CPSF1: variants seen among roughly 807,000 people sequenced by gnomAD.
CPSF1 encodes cleavage and polyadenylation specificity factor subunit 1.
In CPSF1, 106 loss-of-function variants were observed where a neutral mutation model predicts 175.8. The observed-to-expected ratio is 0.60, with a 90% CI of 0.52 to 0.71. The LOEUF is 0.71. CPSF1 is among the 30% of genes least tolerant of loss of function. The pLI is 0.00. For missense variants in CPSF1, 1,734 were observed against 2,022.9 expected (o/e 0.86, Z 2.74); for synonymous variants, 1,024 against 858.3 (o/e 1.19, Z -3.37).
At chr8:144,401,124 G>A (rs2116881589) in intron 5 of CPSF1, 49 bp from the exon 6 acceptor site, 1 of 1,596,236 alleles carries the variant, frequency 6.3e-7, no homozygotes, top group South Asian at 1.1e-5. Flanking sequence ...AGACCCCGAG[G>A]GAAACACTTG....
At chr8:144,404,511 G>A (rs1821386545) in intron 2 of CPSF1, among the ~76,000 whole-genome samples, 1 of 150,442 alleles carries the variant, frequency 6.6e-6, no homozygotes, top group Non-Finnish European at 1.5e-5. Flanking sequence ...GACTACAAGC[G>A]CCCACCACCA....
At chr8:144,396,320 GTGC>G in intron 26 of CPSF1, 25 bp downstream of exon 26, 1 of 1,567,556 alleles carries the variant, frequency 6.4e-7, no homozygotes, top group Non-Finnish European at 8.6e-7. Context: ...GCATCAGCCA[GTGC>G]TGCTGGGAAC....
chr8:144,393,286 T>C lies in CPSF1; in HGVS notation c.*32A>G. On this transcript the variant is annotated 3_prime_UTR_variant, in exon 38 of 38. Transcript: ENST00000616140. ...GTACAAAAAGGGGGTGGGAGGTAGTTCCGTGTGCTGGTGGTGACGGCATCC... is the reference window on the plus strand; with the variant it reads ...GTACAAAAAGGGGGTGGGAGGTAGTCCCGTGTGCTGGTGGTGACGGCATCC... The C allele has an allele frequency of 6.8e-7, 1 of 1,477,606 alleles. No individual in the cohort carries two copies. The highest frequency in any genetic ancestry group is 9.0e-7 in the Non-Finnish European group (1 of 1,107,156). 91.5% of individuals were successfully genotyped at this position (1,477,606 alleles called of 1,614,324 possible).
intron 9 of CPSF1, 31 bp downstream of exon 9, chr8:144,400,135 G>GGGGGCCCCCCCCCCCCCCC: frequency 6.3e-5 from 56 of 895,916 alleles, no homozygotes; most frequent in Non-Finnish European, 8.2e-5. Context: ...CCGTCCCCGG[G>GGGGGCCCCCCCCCCCCCCC]CCCCCCCCGC....
At chr8:144,396,964 AGGGCCATGGAGAACATGGGAT>A (rs782321955) in intron 23 of CPSF1, 35 bp from the exon 24 acceptor site, 72 of 1,501,686 alleles carry the variant, frequency 4.8e-5, no homozygotes, top group Non-Finnish European at 5.5e-5. Context: ...GGGAACGGGC[AGGGCCATGGAGAACATGGGAT>A]GGGCCATGGG....
intron 26 of CPSF1, 166 bp downstream of exon 26, chr8:144,396,182 C>G (rs543402126): frequency 1.4e-6 from 1 of 735,072 alleles, no homozygotes; most frequent in Non-Finnish European, 2.2e-6. Context: ...ACCTTTGGAG[C>G]AACCAAGTCA....
intron 7 of CPSF1, 66 bp from the exon 8 acceptor site, chr8:144,400,559 C>A: frequency 6.2e-7 from 1 of 1,607,456 alleles, no homozygotes; most frequent in Non-Finnish European, 8.5e-7. Flanking sequence ...CAGCTCCTCC[C>A]GAGCAAGCCC....
intron 34 of CPSF1, 36 bp downstream of exon 34, chr8:144,394,077 C>T: frequency 6.2e-7 from 1 of 1,611,066 alleles, no homozygotes; most frequent in Non-Finnish European, 8.5e-7. Context: ...CTAGCCCAGC[C>T]CCGGCCCAGG....
intron 26 of CPSF1, chr8:144,396,084 G>A (rs918822412): frequency 3.7e-6 from 2 of 536,528 alleles, no homozygotes; most frequent in Non-Finnish European, 3.3e-6. Flanking sequence ...TGGAGGCCAG[G>A]CCCTGCGAGG....
chr8:144,394,464 T>C lies in CPSF1; in HGVS notation c.3659A>G (p.Asn1220Ser). Residue 1220 changes from asparagine (N) to serine (S), a missense_variant, in exon 32 of 38, where the codon AAC becomes AGC. Asn to Ser is a conservative substitution (Grantham distance 46). Coordinates refer to ENST00000616140, the MANE Select transcript of CPSF1 (RefSeq NM_013291.3). ...LYIHQMISVK[N>S]FILAADVMKS... is the part of the protein sequence containing the mutation. The stretch of plus-strand genomic sequence containing the variant: ...CATGACGTCGGCTGCCAGGATGAAG[T>C]TCTTGACGCTGATCATCTGGTGTAT... 1 of 1,608,844 alleles carries C rather than the reference T, an allele frequency of 6.2e-7. No homozygotes were observed. The highest frequency in any genetic ancestry group is 1.1e-5 in the South Asian group (1 of 90,132).
Position 144,396,872 on chromosome 8 carries a change from C to A in CPSF1, c.2650G>T (p.Gly884Cys), listed in dbSNP as rs782060108. 7.4e-6 allele frequency: 12 copies of A among 1,613,916 alleles called. No individual in the cohort carries two copies. The highest frequency in any genetic ancestry group is 4.5e-5 in the East Asian group (2 of 44,870). The change falls in exon 24 of 38, where the codon GGC becomes TGC. Residue 884 changes from glycine to cysteine, a missense_variant. By Grantham distance (159) the Gly-to-Cys change is radical (BLOSUM62 -3). Coordinates refer to ENST00000616140, the MANE Select transcript of CPSF1 (RefSeq NM_013291.3). ...AAGCGGACTTTGAGATTGCCCTGGC[C>A]GAGCTGAGAGTCGTGGGGGAAGGCC... The part of the protein sequence containing the change: ...YEAFPHDSQL[G>C]QGNLKVRFKK...
intron 2 of CPSF1, among the ~76,000 whole-genome samples, chr8:144,403,669 C>A (rs1554868092): frequency 6.6e-6 from 1 of 150,932 alleles, no homozygotes; most frequent in South Asian, 2.1e-4. Context: ...TCTCCTGCCT[C>A]AGCCTCCCAA....
At position 144,398,774 on chromosome 8, in the gene CPSF1, C is replaced by A; in HGVS notation, c.1638+5G>T. 1 of 1,594,588 alleles carries A rather than the reference C, an allele frequency of 6.3e-7. No homozygotes were observed. On this transcript the variant is annotated splice_donor_5th_base_variant and intron_variant, in intron 17 of 37. Coordinates refer to ENST00000616140, the MANE Select transcript of CPSF1 (RefSeq NM_013291.3). ...AGGGCCTCCCTGCAGCAGGCTCGCA[C>A]CTACCTCCTCCTTACGCACCGGGGC...
chr8:144,398,344 T>C lies in CPSF1; in HGVS notation c.1852A>G (p.Ile618Val), dbSNP rs1820925151. Residue 618 changes from isoleucine to valine, a missense_variant, in exon 19 of 38, where the codon ATT becomes GTT. By Grantham distance (29) the Ile-to-Val change is conservative (BLOSUM62 3). This residue lies in a region of CPSF1 where 280 missense variants were observed against 349.2 expected (regional missense o/e 0.80). Transcript: ENST00000616140. ...FAGNIGDNRY[I>V]VQVSPLGIRL... ...ATGCCCAGTGGTGACACTTGGACAA[T>C]GTAGCGGTTGTCCCCGATGTTCCCA... 6.7e-7 allele frequency: 1 copy of C among 1,481,936 alleles called. No individual in the cohort carries two copies. Among genetic ancestry groups the C allele is most frequent in the Admixed American group, 1.9e-5 (1 of 53,192 alleles). The allele number at this position is 1,481,936 out of a possible 1,614,324, so 91.8% of individuals were successfully genotyped here.
Position 144,394,740 on chromosome 8 carries a change from C to G in CPSF1, c.3471G>C (p.Lys1157Asn). 1 of 1,613,630 alleles carries G rather than the reference C, an allele frequency of 6.2e-7. No individual in the cohort carries two copies. Among genetic ancestry groups the G allele is most frequent in the East Asian group, 2.2e-5 (1 of 44,878 alleles). Residue 1157 changes from lysine (K) to asparagine (N), a missense_variant, in exon 31 of 38, where the codon AAG becomes AAC. Coordinates refer to ENST00000616140, the MANE Select transcript of CPSF1 (RefSeq NM_013291.3). ...VVPEPGQPLT[K>N]NKFKVLYEKE... is the part of the protein sequence containing the mutation. ...TCTCGTAAAGGACTTTGAACTTGTT[C>G]TTGGTCAAGGGCTGGCCAGGCTCGG...
Position 144,400,144 on chromosome 8 carries a change from G to A in CPSF1, c.937+22C>T, listed in dbSNP as rs141140965. On this transcript the variant is annotated intron_variant, in intron 9 of 37. Transcript: ENST00000616140. ...CCCAAGCCGTCCCCGGGCCCCCCCC[G>A]CCCCAGCCACCCCACACTCACGAAG... 51 of 1,070,432 alleles carry A rather than the reference G, an allele frequency of 4.8e-5. 2 individuals carry two copies. The highest frequency in any genetic ancestry group is 2.0e-4 in the Admixed American group (6 of 30,668). 66.3% of individuals were successfully genotyped at this position (1,070,432 alleles called of 1,614,324 possible).
chr8:144,394,958 G>T lies in CPSF1; in HGVS notation c.3338C>A (p.Thr1113Asn). 6.2e-7 allele frequency: 1 copy of T among 1,613,032 alleles called. No individual in the cohort carries two copies. The highest frequency in any genetic ancestry group is 8.5e-7 in the Non-Finnish European group (1 of 1,179,958). ...CACGTAGCCTTTGAGGCCCGACACG[G>T]TCTCCTCACTGCGCAGAGACACTGT... ...MKTVSLRSEE[T>N]VSGLKGYVAA... Residue 1113 changes from threonine to asparagine, a missense_variant, in exon 30 of 38, where the codon ACC becomes AAC. Around this residue, in one of 10 missense-constraint regions of CPSF1, gnomAD observed 585 missense variants for 584.7 expected, o/e 1.00. Transcript: ENST00000616140.
chr8:144,399,593 C>T lies in CPSF1; in HGVS notation c.1237G>A (p.Asp413Asn), dbSNP rs141400443. Reference protein sequence around the residue: ...PPASAVREAADKEEPPSKKKR... With the variant: ...PPASAVREAANKEEPPSKKKR... ...AATGGGCCCAGGAAACCCACCTTGT[C>T]GGCAGCCTCACGGACAGCACTGGCC... Residue 413 changes from aspartate to asparagine, a missense_variant, in exon 12 of 38, where the codon GAC becomes AAC. Asp to Asn is a conservative substitution (Grantham distance 23, BLOSUM62 1). Around this residue, in one of 10 missense-constraint regions of CPSF1, gnomAD observed 162 missense variants for 169.5 expected, o/e 0.96. Coordinates refer to ENST00000616140, the MANE Select transcript of CPSF1 (RefSeq NM_013291.3). This position sits in a 1 kb window ranked among gnomAD's most constrained non-coding sequence, Gnocchi z 6.4. 2.5e-4 allele frequency: 405 copies of T among 1,610,212 alleles called. No homozygotes were observed. Among genetic ancestry groups the T allele is most frequent in the Non-Finnish European group, 3.3e-4 (387 of 1,178,422 alleles).
At chr8:144,396,091 G>C (rs981377255) in intron 26 of CPSF1, 3 of 544,216 alleles carry the variant, frequency 5.5e-6, no homozygotes, top group South Asian at 4.7e-5. Context: ...CAGGCCCTGC[G>C]AGGGCTTGCC....
Sources: gnomAD v4.1 joint callset for allele counts (sites outside exome capture counted in the v4.1 genomes callset) on GRCh38, gnomAD v4.1.1 for gene constraint, gnomAD v4.1.1 regional missense constraint, Gnocchi (gnomAD v3.1) non-coding constraint, MANE v1.5 for transcripts, NCBI Gene and HGNC (gene_info 2026-07-23, HGNC 2026-07-21) for gene names.